Variants in COL28A1 observed in about 807,000 individuals in gnomAD.
The protein encoded by COL28A1 is collagen type XXVIII alpha 1 chain.
A neutral mutation model predicts 150.2 loss-of-function variants in COL28A1; 161 were observed. The ratio of observed to expected loss-of-function variants is 1.07; its 90% CI spans 0.94 to 1.22. COL28A1 has a LOEUF of 1.22. Among genes scored for constraint, COL28A1 ranks in the 50% most tolerant of loss-of-function variants. The probability of loss-of-function intolerance (pLI) is 0.00; values close to 1 mark genes in which losing one functional copy is unlikely to be tolerated. For missense variants in COL28A1, 1,617 were observed against 1,388.3 expected, an observed-to-expected ratio of 1.16 and a Z score of -2.62; for synonymous variants, 552 against 469.7, an observed-to-expected ratio of 1.18 and a Z score of -2.26.
chr7:7,521,786 C>A, intron 5 of COL28A1, 119 bp downstream of exon 5: 1 of 697,342 alleles, frequency 1.4e-6, no homozygotes, highest in South Asian at 1.6e-5. Flanking sequence ...TCCATTTTTC[C>A]TCCCATTTCC....
intron 27 of COL28A1, among the ~76,000 whole-genome samples, chr7:7,414,609 G>A (rs1488583722): frequency 1.3e-5 from 2 of 152,214 alleles, no homozygotes; most frequent in East Asian, 1.9e-4. Flanking sequence ...GAAAGGCCGG[G>A]GAAAGAAGTT....
At chr7:7,463,495 G>C (rs1787807485) in intron 15 of COL28A1, among the ~76,000 whole-genome samples, 1 of 152,170 alleles carries the variant, frequency 6.6e-6, no homozygotes, top group Non-Finnish European at 1.5e-5. Flanking sequence ...CTACAAGCTA[G>C]AAGGGATTGG....
chr7:7,459,981 G>C (rs1331454654), intron 15 of COL28A1, among the ~76,000 whole-genome samples: 1 of 152,176 alleles, frequency 6.6e-6, no homozygotes, highest in Non-Finnish European at 1.5e-5. Flanking sequence ...ACTTCTATCA[G>C]TTATGACTCA....
At chr7:7,489,496 T>TA (rs763710259) in intron 12 of COL28A1, 39 bp from the exon 13 acceptor site, 1 of 925,780 alleles carries the variant, frequency 1.1e-6, no homozygotes, top group Non-Finnish European at 1.8e-6. Flanking sequence ...CTTGAGATTT[T>TA]AAATAAAGAA....
intron 27 of COL28A1, among the ~76,000 whole-genome samples, chr7:7,400,497 G>A (rs13227789): frequency 0.081 from 12,370 of 152,220 alleles, 591 homozygotes; most frequent in Middle Eastern, 0.18. Context: ...AGCAGAGTCT[G>A]CATGGCCAGG....
chr7:7,344,495 A>C, the COL28A1 span, among the ~76,000 whole-genome samples: 1 of 152,138 alleles, frequency 6.6e-6, no homozygotes, highest in Non-Finnish European at 1.5e-5. Flanking sequence ...CTTCAGATAA[A>C]AAACAGAAAA....
At chr7:7,384,500 T>C (rs914716348) in intron 27 of COL28A1, among the ~76,000 whole-genome samples, 1 of 152,232 alleles carries the variant, frequency 6.6e-6, no homozygotes, top group African/African-American at 2.4e-5. Context: ...GAGACCACAT[T>C]CACATAACTT....
At chr7:7,495,514 C>T (rs890621822) in intron 11 of COL28A1, among the ~76,000 whole-genome samples, 1 of 152,132 alleles carries the variant, frequency 6.6e-6, no homozygotes, top group African/African-American at 2.4e-5. Flanking sequence ...TGTCATCTTT[C>T]ACTCCCCAAT....
chr7:7,410,683 A>G (rs1783738634), intron 27 of COL28A1, among the ~76,000 whole-genome samples: 1 of 151,600 alleles, frequency 6.6e-6, no homozygotes, highest in South Asian at 2.1e-4. Context: ...GCAGTCAAGA[A>G]GGAGAAAAAA....
chr7:7,537,929 C>T (rs1392399639), upstream of COL28A1, among the ~76,000 whole-genome samples: 1 of 152,122 alleles, frequency 6.6e-6, no homozygotes, highest in African/African-American at 2.4e-5. Context: ...ATAATAATGC[C>T]ACTAAGAAGC....
intron 2 of COL28A1, 57 bp from the exon 3 acceptor site, chr7:7,531,961 G>C (rs1782391059): frequency 6.5e-6 from 7 of 1,084,152 alleles, no homozygotes; most frequent in Non-Finnish European, 9.6e-6. Flanking sequence ...AAACAAATTT[G>C]CATACGGAAA....
chr7:7,476,694 A>G (rs971091549), intron 14 of COL28A1, among the ~76,000 whole-genome samples: 3 of 152,042 alleles, frequency 2.0e-5, no homozygotes, highest in East Asian at 1.9e-4. Context: ...CTGTAGTAAA[A>G]TTTTCTTTCT....
At chr7:7,495,099 T>C (rs773823764) in intron 11 of COL28A1, among the ~76,000 whole-genome samples, 6 of 152,210 alleles carry the variant, frequency 3.9e-5, no homozygotes, top group Non-Finnish European at 8.8e-5. Flanking sequence ...TTTTAAATTC[T>C]CTACTAGCCA....
chr7:7,400,975 G>GGT (rs60064708), intron 27 of COL28A1, among the ~76,000 whole-genome samples: 12,268 of 118,786 alleles, frequency 0.1, 705 homozygotes, highest in East Asian at 0.14. Context: ...TGGGTATTTG[G>GGT]GTGTGTGTGT....
intron 21 of COL28A1, among the ~76,000 whole-genome samples, chr7:7,437,988 C>T (rs56300432): frequency 2.0e-5 from 2 of 101,732 alleles, no homozygotes; most frequent in African/African-American, 1.1e-4. Context: ...TAATCCCAGC[C>T]TTTGGGAGGC....
chr7:7,385,353 T>G (rs1280177599), intron 27 of COL28A1, among the ~76,000 whole-genome samples: 1 of 152,094 alleles, frequency 6.6e-6, no homozygotes, highest in East Asian at 1.9e-4. Flanking sequence ...TAAAGGCTCA[T>G]GGGAGAACAC....
chr7:7,514,267 T>C (rs1781303322), intron 8 of COL28A1, among the ~76,000 whole-genome samples: 1 of 152,246 alleles, frequency 6.6e-6, no homozygotes, highest in African/African-American at 2.4e-5. Context: ...TTAATATTTG[T>C]TCCTTTCCTC....
intron 11 of COL28A1, among the ~76,000 whole-genome samples, chr7:7,501,340 T>TG (rs1780513134): frequency 6.6e-6 from 1 of 152,172 alleles, no homozygotes; most frequent in African/African-American, 2.4e-5. Flanking sequence ...TACTTTCCCT[T>TG]GGGAAAAAAC....
chr7:7,417,537 G>GACA (rs1784161402), intron 27 of COL28A1: 1 of 88,014 alleles, frequency 1.1e-5, no homozygotes, highest in African/African-American at 1.5e-4. Flanking sequence ...AGGGAGGGAG[G>GACA]GAGGGGGGGG....
Sources: gnomAD v4.1 joint callset for allele counts (sites outside exome capture counted in the v4.1 genomes callset) on GRCh38, gnomAD v4.1.1 for gene constraint, MANE v1.5 for transcripts, NCBI Gene and HGNC (gene_info 2026-07-23, HGNC 2026-07-21) for gene names.